The following TNFRSF11A variants were observed in gnomAD, a reference collection of about 807,000 sequenced individuals.
TNFRSF11A encodes tumor necrosis factor receptor superfamily member 11A.
In TNFRSF11A, 32 loss-of-function variants were observed where a neutral mutation model predicts 55.7. The ratio of observed to expected loss-of-function variants is 0.57; its 90% CI spans 0.43 to 0.77. The LOEUF (loss-of-function observed/expected upper bound fraction) is 0.77, where lower values mean the gene tolerates loss of function less well. TNFRSF11A is among the 30% of genes least tolerant of loss of function. The pLI is 0.00. For synonymous variants in TNFRSF11A, 311 were observed against 331.0 expected, an observed-to-expected ratio of 0.94 and a Z score of 0.65; for missense variants, 753 against 809.8, an observed-to-expected ratio of 0.93 and a Z score of 0.85.
At chr18:62,356,055 A>T (rs1160803654) in intron 4 of TNFRSF11A, among the ~76,000 whole-genome samples, 1 of 152,230 alleles carries the variant, frequency 6.6e-6, no homozygotes, top group African/African-American at 2.4e-5. Context: ...AAAGGAATAG[A>T]AATCCTTTTG....
In TNFRSF11A at chr18:62,348,244, AACCAGGT is replaced by A; in HGVS notation, c.155_157+4del. 2.5e-6 allele frequency: 4 copies of A among 1,614,090 alleles called. No individual in the cohort carries two copies. Among genetic ancestry groups the A allele is most frequent in the Non-Finnish European group, 2.5e-6 (3 of 1,179,976 alleles). ...CTGGGACGGTGCTGTAACAAATGTG[AACCAGGT>A]ACACCTGCTTCTGAGCCACCTTGCA... On this transcript the variant is annotated splice_donor_variant and coding_sequence_variant, in exon 2 of 10. Coordinates refer to ENST00000586569, the MANE Select transcript of TNFRSF11A (RefSeq NM_003839.4). LOFTEE classifies it high-confidence loss of function.
intron 5 of TNFRSF11A, 150 bp from the exon 6 acceptor site, chr18:62,359,805 C>T (rs539074965): frequency 1.4e-6 from 1 of 701,168 alleles, no homozygotes; most frequent in East Asian, 2.8e-5. Flanking sequence ...CTGTTCTCCT[C>T]CCTGTGGAAG....
chr18:62,346,411 C>A (rs2046385118), intron 1 of TNFRSF11A, among the ~76,000 whole-genome samples: 1 of 152,202 alleles, frequency 6.6e-6, no homozygotes, highest in Non-Finnish European at 1.5e-5. Flanking sequence ...AGAAAAGCAT[C>A]TCAGAAGGGA....
intron 5 of TNFRSF11A, 65 bp from the exon 6 acceptor site, chr18:62,359,890 A>C: frequency 6.9e-7 from 1 of 1,453,974 alleles, no homozygotes; most frequent in Non-Finnish European, 9.7e-7. Flanking sequence ...AGAGTTTTGC[A>C]TTTGTTCACT....
chr18:62,390,008 A>T lies in TNFRSF11A; in HGVS notation c.*4974A>T, dbSNP rs150614106. On this transcript the variant is annotated 3_prime_UTR_variant, in exon 10 of 10. Coordinates refer to ENST00000586569, the MANE Select transcript of TNFRSF11A (RefSeq NM_003839.4). ...AGGGCTGGTTTGAGGATGACGTGAG[A>T]TGAGAGACAACCAAGCACTCACTGG... 6.6e-6 allele frequency: 1 copy of T among 152,354 alleles called. No homozygotes were observed. The highest frequency in any genetic ancestry group is 1.5e-5 in the Non-Finnish European group (1 of 68,048). 9.4% of individuals were successfully genotyped at this position (152,354 alleles called of 1,614,324 possible). A position where few individuals can be genotyped will look rare whatever the true frequency, so the allele number is the denominator to read the frequency against.
At chr18:62,359,047 A>G (rs988936949) in intron 5 of TNFRSF11A, among the ~76,000 whole-genome samples, 1 of 152,180 alleles carries the variant, frequency 6.6e-6, no homozygotes, top group Non-Finnish European at 1.5e-5. Flanking sequence ...GCATACCAAT[A>G]ATCAACATAA....
intron 9 of TNFRSF11A, among the ~76,000 whole-genome samples, chr18:62,375,435 C>T (rs1420087350): frequency 6.6e-6 from 1 of 152,236 alleles, no homozygotes; most frequent in Middle Eastern, 3.4e-3. Context: ...CTTCCAAATT[C>T]CCATATTTAA....
chr18:62,358,646 C>T (rs138205713), intron 5 of TNFRSF11A, among the ~76,000 whole-genome samples: 65 of 152,326 alleles, frequency 4.3e-4, no homozygotes, highest in African/African-American at 1.5e-3. Context: ...TCAGTGGTCA[C>T]GCCTACTTCT....
At chr18:62,327,201 T>TAATCTTCTCTGGGTGAG (rs200721450) in intron 1 of TNFRSF11A, among the ~76,000 whole-genome samples, 3 of 152,162 alleles carry the variant, frequency 2.0e-5, no homozygotes, top group Non-Finnish European at 4.4e-5. Flanking sequence ...TAATCGGAGT[T>TAATCTTCTCTGGGTGAG]AATCTTCTCT....
At chr18:62,327,656 G>C (rs193120084) in intron 1 of TNFRSF11A, among the ~76,000 whole-genome samples, 44 of 152,306 alleles carry the variant, frequency 2.9e-4, no homozygotes, top group African/African-American at 1.1e-3. Flanking sequence ...CAAACACCAG[G>C]CAAGACTTCA....
At chr18:62,335,259 C>A (rs908120653) in intron 1 of TNFRSF11A, among the ~76,000 whole-genome samples, 3 of 150,072 alleles carry the variant, frequency 2.0e-5, no homozygotes, top group African/African-American at 7.3e-5. Context: ...AGGTACCTAA[C>A]ACCACATTTG....
intron 2 of TNFRSF11A, 51 bp downstream of exon 2, chr18:62,348,300 C>CACT: frequency 6.6e-7 from 1 of 1,525,812 alleles, no homozygotes; most frequent in Admixed American, 1.7e-5. Context: ...GTGGGTGAGG[C>CACT]TTTCATTATT....
At chr18:62,355,601 A>G (rs1909200729) in intron 4 of TNFRSF11A, among the ~76,000 whole-genome samples, 1 of 152,162 alleles carries the variant, frequency 6.6e-6, no homozygotes, top group African/African-American at 2.4e-5. Flanking sequence ...ATTTTTAAAT[A>G]TTTACTTTGA....
chr18:62,358,392 A>C, intron 5 of TNFRSF11A, 51 bp downstream of exon 5: 1 of 1,521,822 alleles, frequency 6.6e-7, no homozygotes, highest in Non-Finnish European at 9.1e-7. Context: ...TAAACAACTC[A>C]ACCTCCACTG....
intron 1 of TNFRSF11A, among the ~76,000 whole-genome samples, chr18:62,345,093 A>G (rs1449894274): frequency 6.6e-6 from 1 of 152,178 alleles, no homozygotes; most frequent in African/African-American, 2.4e-5. Flanking sequence ...TAAGAGTTAC[A>G]AGCATGGGGC....
At chr18:62,347,494 G>A (rs1297137326) in intron 1 of TNFRSF11A, among the ~76,000 whole-genome samples, 1 of 152,232 alleles carries the variant, frequency 6.6e-6, no homozygotes. Context: ...GGGAACCAGA[G>A]GCTGAGGAAG....
At chr18:62,366,370 A>G (rs1910087458) in intron 7 of TNFRSF11A, among the ~76,000 whole-genome samples, 1 of 152,210 alleles carries the variant, frequency 6.6e-6, no homozygotes, top group Non-Finnish European at 1.5e-5. Flanking sequence ...AAATGGGGAG[A>G]TGTGGGTCGG....
intron 9 of TNFRSF11A, among the ~76,000 whole-genome samples, chr18:62,382,191 A>G (rs866709216): frequency 1.4e-5 from 2 of 144,156 alleles, no homozygotes; most frequent in African/African-American, 5.2e-5. Flanking sequence ...ACTCACTGCA[A>G]CCTCCGCCTC....
At chr18:62,358,223 TTG>T (rs1414211780) in intron 4 of TNFRSF11A, 23 bp from the exon 5 acceptor site, 8 of 1,558,166 alleles carry the variant, frequency 5.1e-6, no homozygotes, top group Admixed American at 1.7e-5. Context: ...TCTGTCTGGG[TTG>T]TTTTTTTTTT....
Sources: allele counts gnomAD v4.1 joint callset (sites outside exome capture counted in the v4.1 genomes callset), GRCh38; gene constraint gnomAD v4.1.1; transcripts MANE v1.5; gene names NCBI Gene and HGNC (gene_info 2026-07-23, HGNC 2026-07-21).